Variants in DYNC2I1 observed in about 807,000 individuals in gnomAD.
The protein encoded by DYNC2I1 is cytoplasmic dynein 2 intermediate chain 1.
Under a neutral mutation model 133.4 loss-of-function variants are expected in DYNC2I1, and 89 were observed. The ratio of observed to expected loss-of-function variants is 0.67; its 90% confidence interval spans 0.56 to 0.80. The LOEUF is 0.80. Among genes scored for constraint, DYNC2I1 ranks in the 30% least tolerant of loss-of-function variants. The pLI is 0.00. For synonymous variants in DYNC2I1, 504 were observed against 484.3 expected (o/e 1.04, Z -0.54); for missense variants, 1,291 against 1,314.5 (o/e 0.98, Z 0.28).
Position 158,903,506 on chromosome 7 carries a change from G to A in DYNC2I1, c.1357+911G>A, listed in dbSNP as rs551821716. ...CACTAATACAAATGAAGGTTTTGCA[G>A]AATGATTCTTTGTCTCACATTTTGT... is the stretch of plus-strand genomic sequence containing the variant. On this transcript the variant is annotated intron_variant, in intron 10 of 24. Coordinates refer to ENST00000407559, the MANE Select transcript of DYNC2I1 (RefSeq NM_018051.5). The A allele has an allele frequency of 2.0e-5, 3 of 152,356 alleles. 1 individual carries two copies. Among genetic ancestry groups the A allele is most frequent in the East Asian group, 1.9e-4 (1 of 5,192 alleles). The allele number at this position is 152,356 out of a possible 1,614,324, so 9.4% of individuals were successfully genotyped here. A position where few individuals can be genotyped will look rare whatever the true frequency, so the allele number is the denominator to read the frequency against.
the DYNC2I1 span, among the ~76,000 whole-genome samples, chr7:158,845,576 A>G: frequency 1.3e-5 from 2 of 152,216 alleles, no homozygotes; most frequent in Non-Finnish European, 2.9e-5. Context: ...AAGACATTTA[A>G]TATTGTTGGT....
At chr7:158,928,827 G>A (rs1413930150) in intron 20 of DYNC2I1, among the ~76,000 whole-genome samples, 7 of 152,056 alleles carry the variant, frequency 4.6e-5, no homozygotes, top group Non-Finnish European at 8.8e-5. Context: ...CGCCCCAAAT[G>A]CCCAGAACTC....
At chr7:158,841,187 A>G in the DYNC2I1 span, among the ~76,000 whole-genome samples, 3 of 60,072 alleles carry the variant, frequency 5.0e-5, no homozygotes, top group African/African-American at 3.1e-4. Flanking sequence ...ATATATATAT[A>G]TATATATATA....
rs1259230058 is a variant in DYNC2I1 at position 158,896,985 on chromosome 7, CT to C, written c.1060-4738del. On this transcript the variant is annotated intron_variant, in intron 8 of 24. Coordinates refer to ENST00000407559, the MANE Select transcript of DYNC2I1 (RefSeq NM_018051.5). ...GAGAGTGTAAAGAATTGTATAATTTCTTTTTTTTTTTTTTTTGAGACAGAGT... is the reference window on the plus strand; with the variant it reads ...GAGAGTGTAAAGAATTGTATAATTTCTTTTTTTTTTTTTTTGAGACAGAGT... 8.3e-3 allele frequency among the ~76,000 whole-genome samples: 1,087 copies of C among 131,142 alleles called. 39 individuals carry two copies. The East Asian group carries it at 0.13, about 16-fold the overall frequency. The allele number at this position is 131,142 out of a possible 152,430, so 86.0% of individuals were successfully genotyped here. A position where few individuals can be genotyped will look rare whatever the true frequency, so the allele number is the denominator to read the frequency against.
At chr7:158,867,203 G>T (rs2129476913) in intron 1 of DYNC2I1, among the ~76,000 whole-genome samples, 1 of 152,246 alleles carries the variant, frequency 6.6e-6, no homozygotes, top group East Asian at 1.9e-4. Flanking sequence ...GGGTTGTGGG[G>T]TTGTAGGGTT....
At chr7:158,952,923 T>C (rs1359051551) in intron 4 of DYNC2I1, among the ~76,000 whole-genome samples, 1 of 152,224 alleles carries the variant, frequency 6.6e-6, no homozygotes, top group Non-Finnish European at 1.5e-5. Context: ...CAGCGCCTGC[T>C]GTGCACGGTG....
chr7:158,922,546 C>A lies in DYNC2I1; in HGVS notation c.2091C>A (p.Ser697=). The part of the protein sequence containing the change: ...SGPQKVLICE[S]QVTCCCLSPL... Reference sequence around the variant, plus strand: ...CACAGAAAGTTCTGATATGTGAGTCCCAGGTACAGCTCAGGATGAGAGTCG... The same window carrying A: ...CACAGAAAGTTCTGATATGTGAGTCACAGGTACAGCTCAGGATGAGAGTCG... Residue 697 remains serine (S), a synonymous_variant, in exon 16 of 25, where the codon TCC becomes TCA. Transcript: ENST00000407559. The A allele has an allele frequency of 1.2e-6, 2 of 1,613,258 alleles. No individual in the cohort carries two copies. The highest frequency in any genetic ancestry group is 1.7e-6 in the Non-Finnish European group (2 of 1,179,658).
chr7:158,925,055 C>G (rs911052873), intron 17 of DYNC2I1, among the ~76,000 whole-genome samples: 1 of 152,184 alleles, frequency 6.6e-6, no homozygotes, highest in Non-Finnish European at 1.5e-5. Flanking sequence ...CGCACCCGGC[C>G]TTGTCTTTGA....
In DYNC2I1 at chr7:158,891,254, C is replaced by G; in HGVS notation, c.991-11C>G. The G allele has an allele frequency of 1.9e-6, 3 of 1,614,018 alleles. No homozygotes were observed. Among genetic ancestry groups the G allele is most frequent in the Non-Finnish European group, 2.5e-6 (3 of 1,179,882 alleles). On this transcript the variant is annotated splice_polypyrimidine_tract_variant and intron_variant, in intron 7 of 24. Coordinates refer to ENST00000407559, the MANE Select transcript of DYNC2I1 (RefSeq NM_018051.5). Reference sequence around the variant, plus strand: ...GTGTCCTGGCTGATGGGGCTGTTCTCTCTCCATTAGCATGGCCACGAGGAA... The same window carrying G: ...GTGTCCTGGCTGATGGGGCTGTTCTGTCTCCATTAGCATGGCCACGAGGAA...
At chr7:158,914,061 GT>G (rs1847763564) in intron 13 of DYNC2I1, among the ~76,000 whole-genome samples, 171 bp from the exon 14 acceptor site, 1 of 152,190 alleles carries the variant, frequency 6.6e-6, no homozygotes, top group Admixed American at 6.5e-5. Flanking sequence ...ATATGCAGTT[GT>G]TTTGGGGAGT....
intron 5 of DYNC2I1, 95 bp from the exon 6 acceptor site, chr7:158,884,469 T>C: frequency 8.4e-7 from 1 of 1,186,404 alleles, no homozygotes; most frequent in Admixed American, 2.5e-5. Flanking sequence ...TTGTTAAATT[T>C]TGAATCTGTG....
intron 1 of DYNC2I1, among the ~76,000 whole-genome samples, chr7:158,862,129 T>G (rs970935630): frequency 1.3e-5 from 2 of 152,142 alleles, no homozygotes; most frequent in Admixed American, 1.3e-4. Context: ...TGGCCGTTAG[T>G]GCTCCTGCTC....
In DYNC2I1 at chr7:158,906,069, C is replaced by T. The variant is rs370385731; in HGVS notation, c.1438C>T (p.Arg480Trp). The T allele has an allele frequency of 1.4e-5, 22 of 1,613,356 alleles. No homozygotes were observed. The highest frequency in any genetic ancestry group is 1.3e-4 in the East Asian group (6 of 44,890). Reference protein sequence around the residue: ...FASASHRQKSRTQALKQKMRS... With the variant: ...FASASHRQKSWTQALKQKMRS... ...CTCAGCTTCACACCGTCAAAAGAGTCGGACTCAGGCCCTTAAGCAAAAGTA... is the reference window on the plus strand; with the variant it reads ...CTCAGCTTCACACCGTCAAAAGAGTTGGACTCAGGCCCTTAAGCAAAAGTA... Residue 480 changes from arginine to tryptophan, a missense_variant, in exon 11 of 25, where the codon CGG becomes TGG. Arg to Trp is a moderately radical substitution (Grantham distance 101, BLOSUM62 -3). Coordinates refer to ENST00000407559, the MANE Select transcript of DYNC2I1 (RefSeq NM_018051.5).
At chr7:158,885,376 T>C (rs1844496392) in intron 6 of DYNC2I1, among the ~76,000 whole-genome samples, 1 of 151,918 alleles carries the variant, frequency 6.6e-6, no homozygotes, top group African/African-American at 2.4e-5. Flanking sequence ...GAGTCTCACT[T>C]TGTTGCCGAG....
intron 8 of DYNC2I1, among the ~76,000 whole-genome samples, chr7:158,893,299 C>T (rs568728000): frequency 1.1e-4 from 17 of 152,238 alleles, no homozygotes; most frequent in African/African-American, 4.1e-4. Context: ...TAGCTTTGCC[C>T]TTTCCAGAGT....
At chr7:158,929,718 G>A (rs997269397) in intron 20 of DYNC2I1, among the ~76,000 whole-genome samples, 3 of 152,260 alleles carry the variant, frequency 2.0e-5, no homozygotes, top group Non-Finnish European at 2.9e-5. Flanking sequence ...TTTAGGCAAT[G>A]CCTTGCCCAG....
downstream of DYNC2I1, among the ~76,000 whole-genome samples, chr7:158,950,146 C>T (rs1489027702): frequency 6.6e-5 from 10 of 152,204 alleles, no homozygotes; most frequent in Non-Finnish European, 1.5e-4. Flanking sequence ...TCACTGCAGC[C>T]TCTGCCTCCC....
intron 6 of DYNC2I1, among the ~76,000 whole-genome samples, chr7:158,885,344 T>C (rs960732904): frequency 2.7e-5 from 4 of 147,166 alleles, no homozygotes; most frequent in African/African-American, 1.0e-4. Flanking sequence ...ATGTATAAAC[T>C]CTTTTTTTTT....
the DYNC2I1 span, among the ~76,000 whole-genome samples, chr7:158,839,914 G>T: frequency 2.6e-5 from 4 of 152,152 alleles, no homozygotes; most frequent in Non-Finnish European, 5.9e-5. Flanking sequence ...CCAGCCTCTT[G>T]GGTTGATCCT....
Sources: gnomAD v4.1 joint callset for allele counts (sites outside exome capture counted in the v4.1 genomes callset) on GRCh38, gnomAD v4.1.1 for gene constraint, MANE v1.5 for transcripts, NCBI Gene and HGNC (gene_info 2026-07-23, HGNC 2026-07-21) for gene names.